MYO5B: variants seen among roughly 807,000 people sequenced by gnomAD.
MYO5B encodes the protein unconventional myosin-Vb.
Under a neutral mutation model 229.3 loss-of-function variants are expected in MYO5B, and 143 were observed. The observed-to-expected ratio is 0.62, with a 90% CI of 0.54 to 0.72. The LOEUF (loss-of-function observed/expected upper bound fraction) is 0.72. Ranked by LOEUF, MYO5B falls within the 30% of genes least tolerant of loss-of-function variation. The pLI, the probability that MYO5B is intolerant of heterozygous loss-of-function variation, is 0.00. For synonymous variants in MYO5B, 918 were observed against 885.2 expected (o/e 1.04, Z -0.66); for missense variants, 2,321 against 2,331.0 (o/e 1.00, Z 0.09).
intron 1 of MYO5B, among the ~76,000 whole-genome samples, chr18:50,056,712 C>A (rs1555655059): frequency 2.7e-5 from 4 of 149,714 alleles, no homozygotes; most frequent in Non-Finnish European, 5.9e-5. Context: ...TTGGTCCTGA[C>A]TTTTTTTTTC....
chr18:49,840,319 T>C (rs2024041219), intron 35 of MYO5B: 1 of 152,248 alleles, frequency 6.6e-6, no homozygotes, highest in African/African-American at 2.4e-5. Flanking sequence ...GGGTTTGAAA[T>C]GGCTATTTCT....
At chr18:50,092,783 TTAAG>T (rs2031474278) in intron 1 of MYO5B, among the ~76,000 whole-genome samples, 2 of 152,244 alleles carry the variant, frequency 1.3e-5, no homozygotes, top group East Asian at 1.9e-4. Flanking sequence ...ACAGAACACA[TTAAG>T]TAGATACTCT....
chr18:50,183,306 C>CATATATATATATATAT lies in MYO5B; in HGVS notation c.27+11445_27+11460dup, dbSNP rs71169486. Among the ~76,000 whole-genome samples, 479 of 109,878 alleles carry CATATATATATATATAT rather than the reference C, an allele frequency of 4.4e-3. 7 individuals carry two copies. The highest frequency in any genetic ancestry group is 5.1e-3 in the Non-Finnish European group (278 of 54,668). The allele number at this position is 109,878 out of a possible 152,430, so 72.1% of individuals were successfully genotyped here. A position where few individuals can be genotyped will look rare whatever the true frequency, so the allele number is the denominator to read the frequency against. ...TTCCCTGGTGTTTCCTCAATTTTAT[C>CATATATATATATATAT]ATATATATATATATATATATATATA... is the stretch of plus-strand genomic sequence containing the variant. On this transcript the variant is annotated intron_variant, in intron 1 of 39. Transcript: ENST00000285039.
At chr18:49,963,584 G>A (rs1268510281) in intron 10 of MYO5B, among the ~76,000 whole-genome samples, 2 of 151,888 alleles carry the variant, frequency 1.3e-5, no homozygotes, top group East Asian at 3.9e-4. Flanking sequence ...ACGCCACCAT[G>A]CCGAGCTAAT....
Position 50,178,071 on chromosome 18 carries a change from C to A in MYO5B, c.27+16696G>T, listed in dbSNP as rs2033021901. Reference sequence around the variant, plus strand: ...TTACACCCGGCACCATGCTAAGCATCAAAAAGACTCTCGAATACTTGTGTC... The same window carrying A: ...TTACACCCGGCACCATGCTAAGCATAAAAAAGACTCTCGAATACTTGTGTC... On this transcript the variant is annotated intron_variant, in intron 1 of 39. Transcript: ENST00000285039. Among the ~76,000 whole-genome samples the A allele has an allele frequency of 2.0e-5, 3 of 152,196 alleles. No homozygotes were observed. In the South Asian group the frequency reaches 6.2e-4, roughly 32 times the overall value.
At position 49,962,422 on chromosome 18, in the gene MYO5B, A is replaced by T; in HGVS notation, c.1405-16T>A. The T allele has an allele frequency of 6.2e-7, 1 of 1,614,104 alleles. No homozygotes were observed. The highest frequency in any genetic ancestry group is 8.5e-7 in the Non-Finnish European group (1 of 1,179,992). ...TGAAAACATGCTAGGGCAAGTAAAA[A>T]GGTCACACGAGTGAACTGCAGGCAC... On this transcript the variant is annotated splice_polypyrimidine_tract_variant and intron_variant, in intron 11 of 39. Transcript: ENST00000285039.
intron 18 of MYO5B, among the ~76,000 whole-genome samples, chr18:49,910,701 A>C (rs540046654): frequency 6.6e-6 from 1 of 152,360 alleles, no homozygotes; most frequent in Non-Finnish European, 1.5e-5. Flanking sequence ...AGCAGCTAAG[A>C]TGATGCTGGG....
chr18:49,920,981 T>C (rs2025068174), intron 17 of MYO5B, among the ~76,000 whole-genome samples: 2 of 152,172 alleles, frequency 1.3e-5, no homozygotes, highest in South Asian at 2.1e-4. Context: ...ATGACTCATA[T>C]CATTCCAAAA....
intron 22 of MYO5B, among the ~76,000 whole-genome samples, chr18:49,884,823 G>A (rs1024960234): frequency 6.6e-6 from 1 of 152,106 alleles, no homozygotes; most frequent in African/African-American, 2.4e-5. Context: ...TTAAAAACGG[G>A]CAAAGAACTG....
chr18:50,168,343 C>G (rs542808429), intron 1 of MYO5B, among the ~76,000 whole-genome samples: 2 of 152,188 alleles, frequency 1.3e-5, no homozygotes, highest in Non-Finnish European at 2.9e-5. Context: ...CTTTGAGAGG[C>G]CTGCAGTTCC....
rs142983868 is a variant in MYO5B at position 50,171,866 on chromosome 18, A to G, written c.27+22901T>C. 1.5e-4 allele frequency among the ~76,000 whole-genome samples: 19 copies of G among 128,286 alleles called. 5 individuals carry two copies. Among genetic ancestry groups the G allele is most frequent in the African/African-American group, 5.6e-4 (19 of 33,980 alleles). 84.2% of individuals were successfully genotyped at this position (128,286 alleles called of 152,430 possible). A position where few individuals can be genotyped will look rare whatever the true frequency, so the allele number is the denominator to read the frequency against. ...AAGAATACAGAGAGAAAGCCAGAAG[A>G]GGCTCCTCATATAACAGCCAAATCC... On this transcript the variant is annotated intron_variant, in intron 1 of 39. Transcript: ENST00000285039.
intron 4 of MYO5B, among the ~76,000 whole-genome samples, chr18:50,020,088 G>A (rs772671672): frequency 6.6e-6 from 1 of 152,102 alleles, no homozygotes; most frequent in African/African-American, 2.4e-5. Context: ...CCTACCCTCA[G>A]TCACCTGTCT....
At chr18:50,115,893 CT>C (rs2031954085) in intron 1 of MYO5B, among the ~76,000 whole-genome samples, 4 of 152,050 alleles carry the variant, frequency 2.6e-5, no homozygotes, top group African/African-American at 9.7e-5. Context: ...TTAATGGCTG[CT>C]TGCCTTCTAC....
At chr18:50,129,964 C>T (rs77329007) in intron 1 of MYO5B, among the ~76,000 whole-genome samples, 4 of 152,154 alleles carry the variant, frequency 2.6e-5, no homozygotes, top group African/African-American at 4.8e-5. Context: ...ACCACCGCCC[C>T]ACCTCCTGCA....
chr18:49,841,464 G>C lies in MYO5B; in HGVS notation c.4612-10C>G, dbSNP rs377467818. The C allele has an allele frequency of 2.5e-6, 4 of 1,612,700 alleles. No homozygotes were observed. The highest frequency in any genetic ancestry group is 1.7e-5 in the Admixed American group (1 of 60,034). ...AGTCATCATTGTGCTTCTGTGAAAA[G>C]AAAAGGACATCCTCAGCTCTAAGTG... On this transcript the variant is annotated splice_polypyrimidine_tract_variant and intron_variant, in intron 34 of 39. Transcript: ENST00000285039.
At chr18:50,052,904 T>C (rs978416089) in intron 2 of MYO5B, among the ~76,000 whole-genome samples, 15 of 152,166 alleles carry the variant, frequency 9.9e-5, no homozygotes, top group Admixed American at 9.2e-4. Flanking sequence ...TATCATTGTC[T>C]TCCTGGAAGA....
intron 30 of MYO5B, 129 bp from the exon 31 acceptor site, chr18:49,853,776 A>T (rs1487595230): frequency 3.6e-6 from 3 of 830,526 alleles, no homozygotes; most frequent in African/African-American, 3.4e-5. Flanking sequence ...CCCCAGAGGG[A>T]TGAATGCAGC....
intron 1 of MYO5B, among the ~76,000 whole-genome samples, chr18:50,188,106 A>C (rs901336617): frequency 3.9e-5 from 6 of 152,204 alleles, no homozygotes; most frequent in Admixed American, 3.9e-4. Flanking sequence ...CTATTTTTGC[A>C]ATGTTTCTGT....
chr18:50,114,248 C>T (rs949622612), intron 1 of MYO5B, among the ~76,000 whole-genome samples: 1 of 152,162 alleles, frequency 6.6e-6, no homozygotes, highest in African/African-American at 2.4e-5. Flanking sequence ...TTTCTTTAAA[C>T]TGCCGTGCTG....
Sources: allele counts gnomAD v4.1 joint callset (sites outside exome capture counted in the v4.1 genomes callset), GRCh38; gene constraint gnomAD v4.1.1; transcripts MANE v1.5; gene names NCBI Gene and HGNC (gene_info 2026-07-23, HGNC 2026-07-21).